Variants in PLA2G6 observed in about 807,000 individuals in gnomAD.
The protein encoded by PLA2G6 is 85/88 kDa calcium-independent phospholipase A2.
PLA2G6 carries 62 observed loss-of-function variants against 83.8 expected under a neutral mutation model. That is an observed-to-expected ratio of 0.74 (90% CI 0.60 to 0.91). The LOEUF (loss-of-function observed/expected upper bound fraction) is 0.91. PLA2G6 is among the 40% of genes least tolerant of loss of function. PLA2G6 has a pLI of 0.00. For missense variants in PLA2G6, 944 were observed against 1,102.0 expected, an observed-to-expected ratio of 0.86 and a Z score of 2.03; for synonymous variants, 417 against 449.8, an observed-to-expected ratio of 0.93 and a Z score of 0.92.
intron 9 of PLA2G6, chr22:38,126,684 G>A: frequency 1.8e-6 from 1 of 548,118 alleles, no homozygotes; most frequent in Middle Eastern, 5.1e-4. Flanking sequence ...ACTGCTCTGG[G>A]AAGGGCTCCC....
At chr22:38,180,933 T>G (rs1402959354) in intron 1 of PLA2G6, among the ~76,000 whole-genome samples, 1 of 152,166 alleles carries the variant, frequency 6.6e-6, no homozygotes, top group Admixed American at 6.5e-5. Context: ...AAACCGAACC[T>G]GCCTGACATC....
intron 2 of PLA2G6, among the ~76,000 whole-genome samples, chr22:38,159,260 A>G (rs2145887447): frequency 6.6e-6 from 1 of 152,322 alleles, no homozygotes; most frequent in East Asian, 1.9e-4. Flanking sequence ...CAAATTTGAC[A>G]ACTTCGATAA....
intron 2 of PLA2G6, among the ~76,000 whole-genome samples, chr22:38,164,233 G>C (rs773803121): frequency 6.6e-6 from 1 of 152,208 alleles, no homozygotes; most frequent in African/African-American, 2.4e-5. Context: ...GGAAGGGCCA[G>C]GATCAGCCCA....
Position 38,132,653 on chromosome 22 carries a change from G to C in PLA2G6, c.1077+178C>G. Reference sequence around the variant, plus strand: ...GGTGGTGTTATTTTGGGCTGAGAGGGGGACTTGGAAGGCTTCCTGAGGGAG... The same window carrying C: ...GGTGGTGTTATTTTGGGCTGAGAGGCGGACTTGGAAGGCTTCCTGAGGGAG... On this transcript the variant is annotated intron_variant, in intron 7 of 16. Transcript: ENST00000332509. The surrounding 1 kb of genome is among the most constrained non-coding windows in gnomAD (Gnocchi z 5.0). 1.6e-6 allele frequency: 1 copy of C among 621,228 alleles called. No individual in the cohort carries two copies. The highest frequency in any genetic ancestry group is 2.8e-6 in the Non-Finnish European group (1 of 353,110). The allele number at this position is 621,228 out of a possible 1,614,324, so 38.5% of individuals were successfully genotyped here.
intron 1 of PLA2G6, among the ~76,000 whole-genome samples, chr22:38,175,466 C>T (rs1266636932): frequency 6.6e-6 from 1 of 152,150 alleles, no homozygotes; most frequent in Non-Finnish European, 1.5e-5. Flanking sequence ...TCCCTCACCT[C>T]TACTCCAGCC....
At chr22:38,169,573 A>T (rs1304775430) in intron 1 of PLA2G6, 102 bp from the exon 2 acceptor site, 2 of 708,530 alleles carry the variant, frequency 2.8e-6, no homozygotes, top group Non-Finnish European at 2.5e-6. Flanking sequence ...ACTCCCCACC[A>T]GCGTTGTCCC....
intron 2 of PLA2G6, among the ~76,000 whole-genome samples, chr22:38,167,244 G>C (rs201253874): frequency 1.5e-5 from 2 of 131,648 alleles, no homozygotes. Flanking sequence ...AAAAAAAAAA[G>C]AAAACAAAAA....
intron 9 of PLA2G6, chr22:38,126,934 T>A: frequency 1.1e-6 from 1 of 946,000 alleles, no homozygotes. Flanking sequence ...TTCCTCGGGG[T>A]TTAAGTCCAT....
At chr22:38,178,508 G>C (rs2090722959) in intron 1 of PLA2G6, among the ~76,000 whole-genome samples, 1 of 152,188 alleles carries the variant, frequency 6.6e-6, no homozygotes, top group South Asian at 2.1e-4. Context: ...AGCAGGTCGA[G>C]GCTGCAGTGA....
chr22:38,112,859 C>A, intron 15 of PLA2G6: 1 of 573,468 alleles, frequency 1.7e-6, no homozygotes, highest in East Asian at 2.9e-5. Context: ...CCTCCATGTC[C>A]CCTCTCCCTG....
At chr22:38,168,055 C>T in intron 2 of PLA2G6, 1 of 168,946 alleles carries the variant, frequency 5.9e-6, no homozygotes. Flanking sequence ...TCAATCACCT[C>T]CTTGTGATCC....
rs188998877 is a variant in PLA2G6 at position 38,111,668 on chromosome 22, G to C, written c.*493C>G. 8.8e-5 allele frequency: 19 copies of C among 215,020 alleles called. No individual in the cohort carries two copies. The East Asian group carries it at 2.3e-3, about 26-fold the overall frequency. 13.3% of individuals were successfully genotyped at this position (215,020 alleles called of 1,614,324 possible). On this transcript the variant is annotated 3_prime_UTR_variant, in exon 17 of 17. Coordinates refer to ENST00000332509, the MANE Select transcript of PLA2G6 (RefSeq NM_003560.4). ...AACGGGCATCCCACTCCTGCGGCCT[G>C]GGCTTTCCCAGCTGATGGGGTGGGG... is the stretch of plus-strand genomic sequence containing the variant.
intron 2 of PLA2G6, among the ~76,000 whole-genome samples, chr22:38,153,070 A>G (rs2089635481): frequency 6.6e-6 from 1 of 152,184 alleles, no homozygotes; most frequent in African/African-American, 2.4e-5. Flanking sequence ...GAAATGTCTT[A>G]TATCTTGATT....
rs747612137 is a variant in PLA2G6, at chr22:38,112,138, G to A, written c.*23C>T. On this transcript the variant is annotated 3_prime_UTR_variant, in exon 17 of 17. Coordinates refer to ENST00000332509, the MANE Select transcript of PLA2G6 (RefSeq NM_003560.4). ...GGGCTGAATGGACGAGGTCAGCTGG[G>A]GCCGGTGAGAGGCTGGGGACCCTCA... The A allele has an allele frequency of 5.1e-6, 8 of 1,566,388 alleles. No homozygotes were observed. Among genetic ancestry groups the A allele is most frequent in the Non-Finnish European group, 6.9e-6 (8 of 1,156,178 alleles).
intron 10 of PLA2G6, chr22:38,126,097 G>A (rs1337256250): frequency 5.9e-6 from 3 of 508,944 alleles, no homozygotes; most frequent in Non-Finnish European, 1.1e-5. Context: ...AAGGAGATCA[G>A]GGAGGGAGGC....
In PLA2G6 at chr22:38,155,328, A is replaced by G. The variant is rs561899097; in HGVS notation, c.210-9675T>C. Among the ~76,000 whole-genome samples, 11 of 152,348 alleles carry G rather than the reference A, an allele frequency of 7.2e-5. No homozygotes were observed. The South Asian group carries it at 1.7e-3, about 23-fold the overall frequency. On this transcript the variant is annotated intron_variant, in intron 2 of 16. Coordinates refer to ENST00000332509, the MANE Select transcript of PLA2G6 (RefSeq NM_003560.4). The stretch of plus-strand genomic sequence containing the variant: ...GTTTTTCAATCTGAAAGAAAAGGAC[A>G]TTAATGAGCAATAAGAAATCACTTG...
intron 6 of PLA2G6, 75 bp downstream of exon 6, chr22:38,134,913 C>G: frequency 9.3e-7 from 1 of 1,078,166 alleles, no homozygotes; most frequent in Non-Finnish European, 1.4e-6. Context: ...CTCTCGGGAA[C>G]CTGCTTCCTG....
rs182120275 is a variant in PLA2G6 at position 38,173,381 on chromosome 22, C to T, written c.-45-3910G>A. Among the ~76,000 whole-genome samples, 711 of 152,034 alleles carry T rather than the reference C, an allele frequency of 4.7e-3. 18 individuals carry two copies. Among genetic ancestry groups the T allele is most frequent in the Admixed American group, 0.042 (639 of 15,252 alleles). On this transcript the variant is annotated intron_variant, in intron 1 of 16. Coordinates refer to ENST00000332509, the MANE Select transcript of PLA2G6 (RefSeq NM_003560.4). The stretch of plus-strand genomic sequence containing the variant: ...GATGCCCAGGTCACCTGACACAGAC[C>T]GCACCTCGGCTGTGTCAAGCAGCTC...
rs2090854144 is a variant in PLA2G6, at chr22:38,181,678, C to T, written c.-60G>A. 6.6e-6 allele frequency: 1 copy of T among 152,236 alleles called. No individual in the cohort carries two copies. The highest frequency in any genetic ancestry group is 6.5e-5 in the Admixed American group (1 of 15,272). 9.4% of individuals were successfully genotyped at this position (152,236 alleles called of 1,614,324 possible). On this transcript the variant is annotated 5_prime_UTR_variant, in exon 1 of 17. Transcript: ENST00000332509. Reference sequence around the variant, plus strand: ...GGAGGACATGCCTCAGAATCGGAGACACGAGGAATATCCAAAGGAGGGTCC... The same window carrying T: ...GGAGGACATGCCTCAGAATCGGAGATACGAGGAATATCCAAAGGAGGGTCC...
Sources: gnomAD v4.1 joint callset for allele counts (sites outside exome capture counted in the v4.1 genomes callset) on GRCh38, gnomAD v4.1.1 for gene constraint, Gnocchi (gnomAD v3.1) non-coding constraint, MANE v1.5 for transcripts, NCBI Gene and HGNC (gene_info 2026-07-23, HGNC 2026-07-21) for gene names.